Variants in SUN3 observed in about 807,000 individuals in gnomAD.
SUN3 encodes Sad1 and UNC84 domain containing 3, also known as SUN domain-containing protein 3.
In SUN3, 36 loss-of-function variants were observed where a neutral mutation model predicts 48.2. The observed-to-expected ratio is 0.75, with a 90% CI of 0.57 to 0.99. The LOEUF is 0.99. Ranked by LOEUF, SUN3 falls within the 50% of genes least tolerant of loss-of-function variation. SUN3 has a pLI of 0.00. For synonymous variants in SUN3, 148 were observed against 147.9 expected, an observed-to-expected ratio of 1.00 and a Z score of 0.00; for missense variants, 419 against 433.1, an observed-to-expected ratio of 0.97 and a Z score of 0.29.
At chr7:48,024,474 C>T (rs909390256) in intron 2 of SUN3, among the ~76,000 whole-genome samples, 3 of 151,162 alleles carry the variant, frequency 2.0e-5, no homozygotes, top group Admixed American at 2.0e-4. Context: ...ACTTTTCATC[C>T]ATCAGGTGGC....
intron 3 of SUN3, among the ~76,000 whole-genome samples, chr7:48,011,850 C>T (rs564056901): frequency 1.2e-4 from 18 of 152,156 alleles, no homozygotes; most frequent in East Asian, 3.9e-4. Context: ...TAAGATAATG[C>T]GAGAAGGATG....
At chr7:48,031,869 CGGT>C (rs1182406971), upstream of SUN3, among the ~76,000 whole-genome samples, 1 of 150,328 alleles carries the variant, frequency 6.7e-6, no homozygotes, top group African/African-American at 2.5e-5. Flanking sequence ...CACACACACA[CGGT>C]GGGTGTGTGG....
intron 8 of SUN3, among the ~76,000 whole-genome samples, chr7:47,993,620 GAGACAAAGT>G (rs950012916): frequency 8.5e-5 from 13 of 152,128 alleles, no homozygotes; most frequent in Non-Finnish European, 1.3e-4. Flanking sequence ...TAAATTTATT[GAGACAAAGT>G]AGACCAGTGG....
chr7:48,035,092 GTGTTT>G, the SUN3 span, among the ~76,000 whole-genome samples: 1 of 152,146 alleles, frequency 6.6e-6, no homozygotes, highest in South Asian at 2.1e-4. This position sits in a 1 kb window ranked among gnomAD's most constrained non-coding sequence, Gnocchi z 4.0. Flanking sequence ...TACTGGTGGG[GTGTTT>G]TGTTTTGTTG....
intron 2 of SUN3, among the ~76,000 whole-genome samples, chr7:48,022,913 G>A (rs1262453969): frequency 6.6e-6 from 1 of 151,984 alleles, no homozygotes; most frequent in African/African-American, 2.4e-5. Flanking sequence ...ATGAGAAAAC[G>A]ATTCTCCCAA....
upstream of SUN3, among the ~76,000 whole-genome samples, chr7:48,033,429 C>G (rs1915969): frequency 0.47 from 71,239 of 151,892 alleles, 17,408 homozygotes; most frequent in African/African-American, 0.61. Flanking sequence ...AGATGTGGTG[C>G]TGTGGGCCTG....
Position 48,020,976 on chromosome 7 carries a change from T to C in SUN3, c.185-3611A>G, listed in dbSNP as rs118106763. Among the ~76,000 whole-genome samples, 51 of 152,230 alleles carry C rather than the reference T, an allele frequency of 3.4e-4. No individual in the cohort carries two copies. The East Asian group carries it at 9.7e-3, about 29-fold the overall frequency. ...AAAAGACCCCAAATAGTCAAAGCTA[T>C]TCTAAGCAAAAAGAAGAAAATTGGA... is the stretch of plus-strand genomic sequence containing the variant. On this transcript the variant is annotated intron_variant, in intron 2 of 9. Transcript: ENST00000297325.
At chr7:47,999,658 C>T (rs1240948948) in intron 6 of SUN3, among the ~76,000 whole-genome samples, 2 of 152,250 alleles carry the variant, frequency 1.3e-5, no homozygotes, top group Non-Finnish European at 2.9e-5. Context: ...CTGCCTCAGC[C>T]TCCTGAGTAG....
chr7:48,016,064 A>T (rs1241335308), intron 3 of SUN3, among the ~76,000 whole-genome samples: 1 of 152,170 alleles, frequency 6.6e-6, no homozygotes, highest in African/African-American at 2.4e-5. Context: ...CACTATTGTA[A>T]GACCTAAGAT....
Position 47,987,461 on chromosome 7 carries a change from G to A in SUN3, c.955-12C>T, listed in dbSNP as rs1486059419. 2 of 1,526,132 alleles carry A rather than the reference G, an allele frequency of 1.3e-6. No homozygotes were observed. The highest frequency in any genetic ancestry group is 8.7e-7 in the Non-Finnish European group (1 of 1,143,310). The allele number at this position is 1,526,132 out of a possible 1,614,324, so 94.5% of individuals were successfully genotyped here. On this transcript the variant is annotated splice_polypyrimidine_tract_variant and intron_variant, in intron 9 of 9. Coordinates refer to ENST00000297325, the MANE Select transcript of SUN3 (RefSeq NM_001030019.2). ...TCAGAAACTGCATGCTGAAAATAAA[G>A]AAAAGAAAATCAATGCCTTATAACG... is the stretch of plus-strand genomic sequence containing the variant.
At position 48,029,087 on chromosome 7, in the gene SUN3, A is replaced by T. The variant is rs1790217321; in HGVS notation, c.-149T>A. 1 of 1,184,598 alleles carries T rather than the reference A, an allele frequency of 8.4e-7. No individual in the cohort carries two copies. The highest frequency in any genetic ancestry group is 1.6e-5 in the African/African-American group (1 of 63,980). 73.4% of individuals were successfully genotyped at this position (1,184,598 alleles called of 1,614,324 possible). On this transcript the variant is annotated 5_prime_UTR_variant, in exon 1 of 10. Transcript: ENST00000297325. Reference sequence around the variant, plus strand: ...CCTCCACGGGTGTTTCTTCTTGAAGACGGAATTTTGAAAAGCTTCTGATTC... The same window carrying T: ...CCTCCACGGGTGTTTCTTCTTGAAGTCGGAATTTTGAAAAGCTTCTGATTC...
chr7:48,010,584 G>T (rs775537590), intron 3 of SUN3, among the ~76,000 whole-genome samples: 4 of 152,196 alleles, frequency 2.6e-5, no homozygotes, highest in African/African-American at 4.8e-5. Context: ...ATTCCCTTGG[G>T]TTTAAACTTA....
chr7:47,989,050 G>C, intron 8 of SUN3, 170 bp from the exon 9 acceptor site: 1 of 452,332 alleles, frequency 2.2e-6, no homozygotes, highest in Non-Finnish European at 3.9e-6. Context: ...GGGTCAATGA[G>C]GCCCAAGGCT....
chr7:48,030,304 A>G (rs974307985), upstream of SUN3, among the ~76,000 whole-genome samples: 2 of 152,136 alleles, frequency 1.3e-5, no homozygotes, highest in Non-Finnish European at 2.9e-5. Context: ...TTTTTTACCT[A>G]CTAGTCCAAA....
rs113713072 is a variant in SUN3, at chr7:48,023,266, T to C, written c.184+2611A>G. On this transcript the variant is annotated intron_variant, in intron 2 of 9. Coordinates refer to ENST00000297325, the MANE Select transcript of SUN3 (RefSeq NM_001030019.2). Reference sequence around the variant, plus strand: ...ATAAAGAGGAGTAAATCCCAGTGAATACAGATCATAAGGAGGAAAAAAAAG... The same window carrying C: ...ATAAAGAGGAGTAAATCCCAGTGAACACAGATCATAAGGAGGAAAAAAAAG... 3.0e-3 allele frequency among the ~76,000 whole-genome samples: 454 copies of C among 152,154 alleles called. 7 individuals carry two copies. The highest frequency in any genetic ancestry group is 0.01 in the African/African-American group (422 of 41,530).
intron 3 of SUN3, 86 bp downstream of exon 3, chr7:48,017,176 A>C: frequency 1.5e-6 from 1 of 667,938 alleles, no homozygotes; most frequent in South Asian, 1.9e-5. Flanking sequence ...ATATAAAACA[A>C]AGATAACATA....
At chr7:48,007,099 G>A (rs1169232640) in intron 5 of SUN3, 66 bp downstream of exon 5, 6 of 1,497,400 alleles carry the variant, frequency 4.0e-6, no homozygotes, top group African/African-American at 2.8e-5. Context: ...CTCACTCCCC[G>A]TCACCCTGGA....
At chr7:48,024,965 GTCC>G (rs1429163121) in intron 2 of SUN3, among the ~76,000 whole-genome samples, 2 of 152,108 alleles carry the variant, frequency 1.3e-5, no homozygotes, top group Admixed American at 6.5e-5. Context: ...AACTATAGCA[GTCC>G]TCCTACACTG....
At chr7:48,008,389 T>A (rs1446859945) in intron 4 of SUN3, among the ~76,000 whole-genome samples, 1 of 152,246 alleles carries the variant, frequency 6.6e-6, no homozygotes, top group African/African-American at 2.4e-5. Context: ...ATTTATAATT[T>A]TGTGTCTCCA....
Sources: gnomAD v4.1 joint callset for allele counts (sites outside exome capture counted in the v4.1 genomes callset) on GRCh38, gnomAD v4.1.1 for gene constraint, Gnocchi (gnomAD v3.1) non-coding constraint, MANE v1.5 for transcripts, NCBI Gene and HGNC (gene_info 2026-07-23, HGNC 2026-07-21) for gene names.